The following ADGRL3 variants were observed in gnomAD, a reference collection of about 807,000 sequenced individuals.
ADGRL3 encodes the protein calcium-independent alpha-latrotoxin receptor 3.
ADGRL3 carries 62 observed loss-of-function variants against 153.5 expected under a neutral mutation model. That is an observed-to-expected ratio of 0.40 (90% CI 0.33 to 0.50). The LOEUF (loss-of-function observed/expected upper bound fraction) is 0.50, where lower values mean the gene tolerates loss of function less well. Among genes scored for constraint, ADGRL3 ranks in the 20% least tolerant of loss-of-function variants. The probability of loss-of-function intolerance (pLI) is 0.47; values close to 1 mark genes in which losing one functional copy is unlikely to be tolerated. For missense variants in ADGRL3, 1,641 were observed against 1,859.4 expected (o/e 0.88, Z 2.16); for synonymous variants, 710 against 672.5 (o/e 1.06, Z -0.86).
intron 1 of ADGRL3, among the ~76,000 whole-genome samples, chr4:61,342,922 C>T (rs572792963): frequency 6.6e-6 from 1 of 152,210 alleles, no homozygotes; most frequent in South Asian, 2.1e-4. Context: ...ACTCACAGTT[C>T]CACATGGCTA....
chr4:61,298,204 A>T (rs1376578314), intron 1 of ADGRL3, among the ~76,000 whole-genome samples: 2 of 152,156 alleles, frequency 1.3e-5, no homozygotes, highest in East Asian at 3.9e-4. Context: ...TGTAAAAGTT[A>T]TTTAAATTGT....
intron 1 of ADGRL3, among the ~76,000 whole-genome samples, chr4:61,259,267 TA>T (rs1311058884): frequency 1.3e-5 from 2 of 151,576 alleles, no homozygotes; most frequent in East Asian, 3.9e-4. Flanking sequence ...ACTAAAAATA[TA>T]AAAAATTAGC....
intron 5 of ADGRL3, among the ~76,000 whole-genome samples, chr4:61,655,536 A>T (rs2094420652): frequency 6.6e-6 from 1 of 152,178 alleles, no homozygotes; most frequent in Non-Finnish European, 1.5e-5. Flanking sequence ...AAACAGAAAT[A>T]CACTTACACT....
chr4:61,246,904 G>A (rs990716016), intron 1 of ADGRL3, among the ~76,000 whole-genome samples: 2 of 151,944 alleles, frequency 1.3e-5, no homozygotes, highest in Non-Finnish European at 2.9e-5. Flanking sequence ...ATTACTGATT[G>A]TGTGGCATTA....
intron 3 of ADGRL3, among the ~76,000 whole-genome samples, chr4:61,516,823 A>G (rs964795006): frequency 1.3e-5 from 2 of 152,150 alleles, no homozygotes; most frequent in African/African-American, 2.4e-5. Flanking sequence ...TACATCAAAC[A>G]AAACAAATAA....
intron 13 of ADGRL3, among the ~76,000 whole-genome samples, chr4:61,920,559 G>T (rs935365475): frequency 3.3e-5 from 5 of 152,226 alleles, no homozygotes; most frequent in African/African-American, 9.6e-5. Flanking sequence ...ACAAACCAGG[G>T]CTTTATTCTT....
chr4:61,613,162 C>T (rs776600009), intron 5 of ADGRL3, among the ~76,000 whole-genome samples: 3 of 152,088 alleles, frequency 2.0e-5, no homozygotes, highest in African/African-American at 7.2e-5. Flanking sequence ...CATCTCCTGC[C>T]GTGTTCCCCA....
chr4:61,962,548 T>C (rs1217072445), intron 17 of ADGRL3, among the ~76,000 whole-genome samples: 1 of 152,192 alleles, frequency 6.6e-6, no homozygotes, highest in Non-Finnish European at 1.5e-5. Context: ...TCCAGGTCAG[T>C]TGACCTGTAG....
At chr4:61,733,671 A>AT (rs957887820) in intron 8 of ADGRL3, 117 bp downstream of exon 8, 2 of 766,110 alleles carry the variant, frequency 2.6e-6, no homozygotes, top group Non-Finnish European at 4.1e-6. Context: ...GTACCTGAAA[A>AT]TTGTTCTTTG....
rs139070430 is a variant in ADGRL3, at chr4:61,316,056, A to C, written c.-239-67068A>C. Among the ~76,000 whole-genome samples the C allele has an allele frequency of 2.6e-5, 4 of 152,342 alleles. No homozygotes were observed. In the East Asian group the frequency reaches 7.7e-4, roughly 30 times the overall value. On this transcript the variant is annotated intron_variant, in intron 1 of 26. Coordinates refer to ENST00000683033, the MANE Select transcript of ADGRL3 (RefSeq NM_001387552.1). ...CATTTGGGGGAGACAGATTATGAAAAAAAGTATAAATAACTTATTAAGTAA... is the reference window on the plus strand; with the variant it reads ...CATTTGGGGGAGACAGATTATGAAACAAAGTATAAATAACTTATTAAGTAA...
chr4:61,317,226 T>C (rs1035803195), intron 1 of ADGRL3, among the ~76,000 whole-genome samples: 3 of 152,240 alleles, frequency 2.0e-5, no homozygotes, highest in Non-Finnish European at 4.4e-5. Context: ...AGTACATTAA[T>C]ACATTTCTTA....
At chr4:61,852,318 A>C (rs1036854133) in intron 9 of ADGRL3, among the ~76,000 whole-genome samples, 4 of 150,790 alleles carry the variant, frequency 2.7e-5, no homozygotes, top group African/African-American at 9.7e-5. Context: ...ATTTTATTTT[A>C]TTTTATTATT....
intron 25 of ADGRL3, among the ~76,000 whole-genome samples, chr4:62,050,782 A>G (rs1327680893): frequency 6.6e-6 from 1 of 151,944 alleles, no homozygotes; most frequent in Admixed American, 6.6e-5. Context: ...CTGAAGGATT[A>G]TAAAATCATT....
chr4:61,678,177 A>T (rs1188332774), intron 6 of ADGRL3, among the ~76,000 whole-genome samples: 1 of 151,978 alleles, frequency 6.6e-6, no homozygotes, highest in Non-Finnish European at 1.5e-5. Context: ...AAGGAAATAA[A>T]ATTTGTAAAC....
Position 61,497,118 on chromosome 4 carries a change from C to G in ADGRL3, c.-173-3C>G. 2.0e-6 allele frequency: 1 copy of G among 497,272 alleles called. No individual in the cohort carries two copies. The highest frequency in any genetic ancestry group is 3.5e-6 in the Non-Finnish European group (1 of 287,432). The allele number at this position is 497,272 out of a possible 1,614,324, so 30.8% of individuals were successfully genotyped here. On this transcript the variant is annotated splice_polypyrimidine_tract_variant and splice_region_variant and intron_variant, in intron 2 of 26. Coordinates refer to ENST00000683033, the MANE Select transcript of ADGRL3 (RefSeq NM_001387552.1). ...ATAACCCTTTTTTTTTTCTTTTTTG[C>G]AGGTTTCAGATTTGGGATATTGGTG...
chr4:61,391,612 A>C (rs2096803037), intron 2 of ADGRL3, among the ~76,000 whole-genome samples: 1 of 152,070 alleles, frequency 6.6e-6, no homozygotes, highest in South Asian at 2.1e-4. Context: ...CTGGTCATAT[A>C]GTAAGTCTAT....
rs17090430 is a variant in ADGRL3 at position 61,318,586 on chromosome 4, G to T, written c.-239-64538G>T. Among the ~76,000 whole-genome samples the T allele has an allele frequency of 6.9e-3, 1,047 of 152,236 alleles. 12 individuals carry two copies. Among genetic ancestry groups the T allele is most frequent in the African/African-American group, 0.022 (928 of 41,534 alleles). Reference sequence around the variant, plus strand: ...GAAGAATTAACTGAACACGCTGTCTGCTGAAGTCTTATCACTCTGTGCTAG... The same window carrying T: ...GAAGAATTAACTGAACACGCTGTCTTCTGAAGTCTTATCACTCTGTGCTAG... On this transcript the variant is annotated intron_variant, in intron 1 of 26. Transcript: ENST00000683033.
intron 1 of ADGRL3, among the ~76,000 whole-genome samples, chr4:61,260,799 C>T (rs765741138): frequency 7.9e-5 from 12 of 152,004 alleles, no homozygotes; most frequent in Non-Finnish European, 1.8e-4. Context: ...GATCTCAGCC[C>T]GCTGCAATCT....
chr4:61,945,534 C>G (rs1308561088), intron 15 of ADGRL3, among the ~76,000 whole-genome samples: 410 of 133,492 alleles, frequency 3.1e-3, no homozygotes, highest in African/African-American at 0.012. Context: ...CCTCCCCCAG[C>G]CTCGTTGCCA....
Sources: gnomAD v4.1 joint callset for allele counts (sites outside exome capture counted in the v4.1 genomes callset) on GRCh38, gnomAD v4.1.1 for gene constraint, MANE v1.5 for transcripts, NCBI Gene and HGNC (gene_info 2026-07-23, HGNC 2026-07-21) for gene names.